Variants in ELOC observed in about 807,000 individuals in gnomAD.
ELOC encodes elongin C.
For synonymous variants in ELOC, 40 were observed against 51.3 expected (o/e 0.78, Z 0.94); for missense variants, 38 against 139.0 (o/e 0.27, Z 3.65).
chr8:73,963,691 C>T (rs1162545121), intron 1 of ELOC, among the ~76,000 whole-genome samples: 1 of 152,042 alleles, frequency 6.6e-6, no homozygotes, highest in African/African-American at 2.4e-5. Context: ...AGATCACTCA[C>T]AAAAATACAC....
intron 3 of ELOC, among the ~76,000 whole-genome samples, chr8:73,951,682 A>AACAACAAC (rs1813775773): frequency 5.6e-5 from 7 of 126,006 alleles, no homozygotes; most frequent in African/African-American, 2.1e-4. Context: ...ACAACAACAA[A>AACAACAAC]ACAACAGACA....
At chr8:73,952,478 A>AT (rs1813842360) in intron 3 of ELOC, among the ~76,000 whole-genome samples, 1 of 148,950 alleles carries the variant, frequency 6.7e-6, no homozygotes, top group Admixed American at 6.7e-5. Context: ...AAATGACACC[A>AT]TTAAAAAAAA....
intron 1 of ELOC, among the ~76,000 whole-genome samples, chr8:73,965,033 AACC>A: frequency 7.4e-6 from 1 of 134,816 alleles, no homozygotes; most frequent in Admixed American, 7.9e-5. Context: ...CTCAAAAACA[AACC>A]AAAAAAAAAA....
At chr8:73,963,202 G>A (rs1303098725) in intron 1 of ELOC, among the ~76,000 whole-genome samples, 2 of 151,926 alleles carry the variant, frequency 1.3e-5, no homozygotes, top group Non-Finnish European at 2.9e-5. Context: ...AAAAAATCTA[G>A]GTGAGCCTAG....
chr8:73,970,648 T>G (rs1301664870), intron 1 of ELOC: 1 of 152,126 alleles, frequency 6.6e-6, no homozygotes, highest in African/African-American at 2.4e-5. Context: ...CGTTTCAACA[T>G]GATTATAATG....
At position 73,955,954 on chromosome 8, in the gene ELOC, A is replaced by T; in HGVS notation, c.105T>A (p.His35Gln). 6.2e-7 allele frequency: 1 copy of T among 1,614,034 alleles called. No homozygotes were observed. Residue 35 changes from histidine (H) to glutamine (Q), a missense_variant, in exon 3 of 4, where the codon CAT becomes CAA. Coordinates refer to ENST00000520242, the MANE Select transcript of ELOC (RefSeq NM_005648.4). The stretch of plus-strand genomic sequence containing the variant: ...CTTTTATCGTGCCTGATGTTAATGC[A>T]TGTTCTCTTTTTACAATAAATTCAT... ...DGHEFIVKRE[H>Q]ALTSGTIKAM...
intron 1 of ELOC, among the ~76,000 whole-genome samples, chr8:73,971,450 G>A (rs1586628413): frequency 6.6e-6 from 1 of 152,148 alleles, no homozygotes; most frequent in Middle Eastern, 3.2e-3. Flanking sequence ...AAGCAATGTG[G>A]AGTAGAAATG....
chr8:73,951,194 C>T (rs995032975), intron 3 of ELOC, among the ~76,000 whole-genome samples: 3 of 152,164 alleles, frequency 2.0e-5, no homozygotes, highest in African/African-American at 4.8e-5. Context: ...ATCGCTTGAA[C>T]CCTAGAGGCA....
At chr8:73,948,504 A>C (rs965340680) in intron 3 of ELOC, among the ~76,000 whole-genome samples, 7 of 152,212 alleles carry the variant, frequency 4.6e-5, no homozygotes, top group African/African-American at 1.4e-4. Context: ...CAGGAGGTGG[A>C]AGTTGCAGTG....
chr8:73,946,684 A>G lies in ELOC; in HGVS notation c.285T>C (p.Ile95=), dbSNP rs771549383. 9.9e-6 allele frequency: 16 copies of G among 1,612,344 alleles called. No individual in the cohort carries two copies. The South Asian group carries it at 1.7e-4, about 17-fold the overall frequency. The part of the protein sequence containing the change: ...NSSTEIPEFP[I]APEIALELLM... ...GCAGTTCCAGTGCAATTTCAGGTGC[A>G]ATTGGGAATTCAGGAATCTCGGTGG... The change falls in exon 4 of 4, where the codon ATT becomes ATC. Residue 95 remains isoleucine, a synonymous_variant. Transcript: ENST00000520242.
At chr8:73,958,813 T>C (rs1040183503) in intron 2 of ELOC, among the ~76,000 whole-genome samples, 14 of 152,306 alleles carry the variant, frequency 9.2e-5, no homozygotes, top group Middle Eastern at 6.8e-3. Flanking sequence ...TAGTCATGCA[T>C]TGCTTAACGA....
intron 3 of ELOC, among the ~76,000 whole-genome samples, chr8:73,954,740 G>T (rs569164173): frequency 6.6e-6 from 1 of 151,230 alleles, no homozygotes; most frequent in African/African-American, 2.4e-5. Flanking sequence ...TGGTTAAAAG[G>T]CTGACTATGG....
chr8:73,966,691 C>A (rs1456213733), intron 1 of ELOC, among the ~76,000 whole-genome samples: 1 of 149,984 alleles, frequency 6.7e-6, no homozygotes, highest in Non-Finnish European at 1.5e-5. Context: ...CCAAGCTGGT[C>A]TCCAACTTCT....
chr8:73,963,268 T>G (rs956936612), intron 1 of ELOC, among the ~76,000 whole-genome samples: 2 of 152,216 alleles, frequency 1.3e-5, no homozygotes, highest in African/African-American at 4.8e-5. Flanking sequence ...TATAAGATAT[T>G]TGAATAGCTT....
chr8:73,952,436 AAAAT>A (rs1043772797), intron 3 of ELOC, among the ~76,000 whole-genome samples: 5 of 150,468 alleles, frequency 3.3e-5, no homozygotes, highest in African/African-American at 9.7e-5. Context: ...ATTAATTTAA[AAAAT>A]AAATAAATAA....
intron 1 of ELOC, among the ~76,000 whole-genome samples, chr8:73,965,154 T>G (rs1030419556): frequency 5.4e-5 from 8 of 148,738 alleles, no homozygotes; most frequent in Non-Finnish European, 1.2e-4. Context: ...GCATCTAGAG[T>G]AAATTAAAAA....
intron 1 of ELOC, among the ~76,000 whole-genome samples, chr8:73,960,873 T>C (rs80004698): frequency 2.6e-5 from 4 of 152,108 alleles, no homozygotes; most frequent in African/African-American, 9.7e-5. Context: ...GCACTTTGGA[T>C]GGCTGAGGCA....
At chr8:73,956,117 T>G (rs1563677401) in intron 2 of ELOC, 63 bp from the exon 3 acceptor site, 2 of 1,528,244 alleles carry the variant, frequency 1.3e-6, no homozygotes, top group Non-Finnish European at 1.8e-6. Context: ...CTAAACAGGT[T>G]TGGCTGGGCG....
intron 3 of ELOC, among the ~76,000 whole-genome samples, chr8:73,955,159 C>G (rs1814073322): frequency 6.6e-6 from 1 of 151,810 alleles, no homozygotes; most frequent in Non-Finnish European, 1.5e-5. Context: ...ATTTTTTTTC[C>G]CCAATGCAAC....
Sources: gnomAD v4.1 joint callset for allele counts (sites outside exome capture counted in the v4.1 genomes callset) on GRCh38, gnomAD v4.1.1 for gene constraint, MANE v1.5 for transcripts, NCBI Gene and HGNC (gene_info 2026-07-23, HGNC 2026-07-21) for gene names.